KPNA1: variants seen among roughly 807,000 people sequenced by gnomAD.
KPNA1 encodes importin subunit alpha-5.
In KPNA1, 10 loss-of-function variants were observed where a neutral mutation model predicts 70.5. That is an observed-to-expected ratio of 0.14 (90% CI 0.09 to 0.24). The LOEUF (loss-of-function observed/expected upper bound fraction) is 0.24. Among genes scored for constraint, KPNA1 ranks in the 10% least tolerant of loss-of-function variants. The probability of loss-of-function intolerance (pLI) is 1.00; values close to 1 mark genes in which losing one functional copy is unlikely to be tolerated. For synonymous variants in KPNA1, 192 were observed against 221.9 expected (o/e 0.87, Z 1.20); for missense variants, 397 against 637.9 (o/e 0.62, Z 4.07).
intron 2 of KPNA1, among the ~76,000 whole-genome samples, chr3:122,492,386 T>C (rs2076710537): frequency 6.6e-6 from 1 of 152,160 alleles, no homozygotes; most frequent in African/African-American, 2.4e-5. Flanking sequence ...AATAGAAACA[T>C]GGTTTGTATC....
chr3:122,471,784 G>A (rs896650102), intron 2 of KPNA1, among the ~76,000 whole-genome samples: 1 of 151,918 alleles, frequency 6.6e-6, no homozygotes, highest in African/African-American at 2.4e-5. Context: ...CACAGGGCGA[G>A]ACTGTCTCAA....
At chr3:122,471,803 A>G (rs2076445673) in intron 2 of KPNA1, among the ~76,000 whole-genome samples, 1 of 152,250 alleles carries the variant, frequency 6.6e-6, no homozygotes, top group Admixed American at 6.5e-5. Context: ...AAAAAAAGAA[A>G]GCGGAGTTGT....
chr3:122,436,689 C>T (rs538543382), intron 11 of KPNA1, among the ~76,000 whole-genome samples: 1 of 152,198 alleles, frequency 6.6e-6, no homozygotes, highest in Middle Eastern at 3.2e-3. Context: ...AAAGACTTAA[C>T]ATCTATAAGC....
Position 122,437,295 on chromosome 3 carries a change from C to T in KPNA1, c.997G>A (p.Val333Ile). 1 of 1,589,946 alleles carries T rather than the reference C, an allele frequency of 6.3e-7. No individual in the cohort carries two copies. The highest frequency in any genetic ancestry group is 8.5e-7 in the Non-Finnish European group (1 of 1,170,902). ...TGCAGAGCTGAGCAATTCAGAATTA[C>T]CTAAAAGAAAAAGTTTGAAAATTTT... ...IVTGDDIQTQ[V>I]ILNCSALQSL... Residue 333 changes from valine to isoleucine, a missense_variant and splice_region_variant, in exon 11 of 14, where the codon GTA (valine) becomes ATA (isoleucine). Val to Ile is a conservative substitution (Grantham distance 29). Coordinates refer to ENST00000344337, the MANE Select transcript of KPNA1 (RefSeq NM_002264.4).
chr3:122,495,617 A>C (rs1275727693), intron 2 of KPNA1, among the ~76,000 whole-genome samples: 1 of 151,722 alleles, frequency 6.6e-6, no homozygotes, highest in African/African-American at 2.4e-5. Context: ...CAAAATATTT[A>C]TAATAGAATA....
At chr3:122,457,627 G>T in intron 5 of KPNA1, 1 of 1,059,294 alleles carries the variant, frequency 9.4e-7, no homozygotes, top group Non-Finnish European at 1.2e-6. Context: ...GCACACTGAA[G>T]GTTTGATGTT....
intron 2 of KPNA1, among the ~76,000 whole-genome samples, chr3:122,495,928 T>TA (rs1270816847): frequency 6.6e-6 from 1 of 152,170 alleles, no homozygotes; most frequent in Non-Finnish European, 1.5e-5. Context: ...TTTAAAATGT[T>TA]AGATAACAAA....
At chr3:122,502,429 A>C (rs887520258) in intron 1 of KPNA1, among the ~76,000 whole-genome samples, 16 of 152,222 alleles carry the variant, frequency 1.1e-4, no homozygotes, top group Non-Finnish European at 2.2e-4. Flanking sequence ...TCTCTGAGAG[A>C]TACAGAGAAA....
intron 3 of KPNA1, among the ~76,000 whole-genome samples, chr3:122,466,902 A>G (rs1475244340): frequency 1.3e-5 from 2 of 151,928 alleles, no homozygotes; most frequent in Non-Finnish European, 2.9e-5. Context: ...TTGGGAGGCT[A>G]AAGCAGGAGG....
chr3:122,509,763 G>A (rs150545558), intron 1 of KPNA1, among the ~76,000 whole-genome samples: 3 of 152,268 alleles, frequency 2.0e-5, no homozygotes, highest in South Asian at 2.1e-4. Context: ...GACCTTGTAC[G>A]ATCTGATGTG....
intron 2 of KPNA1, chr3:122,483,269 C>T (rs142494656): frequency 6.6e-6 from 1 of 152,330 alleles, no homozygotes; most frequent in Non-Finnish European, 1.5e-5. Context: ...ATATCACATA[C>T]CTTGTCTTAT....
intron 9 of KPNA1, chr3:122,442,878 G>A (rs1326332754): frequency 6.6e-6 from 1 of 152,318 alleles, no homozygotes; most frequent in East Asian, 1.9e-4. Flanking sequence ...GCAGCTCCCA[G>A]AGTGATCGAC....
chr3:122,505,475 T>C lies in KPNA1; in HGVS notation c.-5-8905A>G, dbSNP rs926860011. On this transcript the variant is annotated intron_variant, in intron 1 of 13. Transcript: ENST00000344337. The stretch of plus-strand genomic sequence containing the variant: ...TGTAATAAGAGGAATAACAAAGTAA[T>C]TGTATGAGAAAATTAGTTTATCCTA... Among the ~76,000 whole-genome samples, 2 of 152,218 alleles carry C rather than the reference T, an allele frequency of 1.3e-5. 1 individual carries two copies. The highest frequency in any genetic ancestry group is 6.8e-3 in the Middle Eastern group (2 of 294).
intron 2 of KPNA1, among the ~76,000 whole-genome samples, chr3:122,469,491 G>C (rs2107751698): frequency 6.6e-6 from 1 of 152,308 alleles, no homozygotes; most frequent in African/African-American, 2.4e-5. Context: ...TAGCTTAAAA[G>C]GTATATAATA....
chr3:122,431,953 G>A (rs914686241), intron 12 of KPNA1, among the ~76,000 whole-genome samples: 5 of 152,018 alleles, frequency 3.3e-5, no homozygotes, highest in African/African-American at 4.8e-5. Flanking sequence ...ACGGGTGCAC[G>A]CCACCACACC....
chr3:122,502,850 G>A (rs1357754282), intron 1 of KPNA1, among the ~76,000 whole-genome samples: 1 of 152,124 alleles, frequency 6.6e-6, no homozygotes, highest in Non-Finnish European at 1.5e-5. Context: ...GGACGCGGTA[G>A]TTCACGCCTG....
At chr3:122,453,844 C>T in intron 6 of KPNA1, 26 bp downstream of exon 6, 1 of 1,580,484 alleles carries the variant, frequency 6.3e-7, no homozygotes, top group Non-Finnish European at 8.6e-7. Context: ...CTTTCTTTCA[C>T]CTGCTTCTTT....
At chr3:122,461,952 T>C (rs1314368571) in intron 4 of KPNA1, among the ~76,000 whole-genome samples, 1 of 152,178 alleles carries the variant, frequency 6.6e-6, no homozygotes, top group African/African-American at 2.4e-5. Context: ...ACAATATGCG[T>C]GTGGCAATGC....
intron 1 of KPNA1, among the ~76,000 whole-genome samples, chr3:122,503,382 A>G (rs1469800241): frequency 6.6e-6 from 1 of 152,230 alleles, no homozygotes; most frequent in East Asian, 1.9e-4. Context: ...GTAGTTTGAA[A>G]TGATTCCAAA....
Sources: gnomAD v4.1 joint callset for allele counts (sites outside exome capture counted in the v4.1 genomes callset) on GRCh38, gnomAD v4.1.1 for gene constraint, MANE v1.5 for transcripts, NCBI Gene and HGNC (gene_info 2026-07-23, HGNC 2026-07-21) for gene names.